Variants in S1PR3 observed in about 807,000 individuals in gnomAD.
The protein encoded by S1PR3 is sphingosine-1-phosphate receptor 3.
In S1PR3, 12 loss-of-function variants were observed where a neutral mutation model predicts 13.3. That is an observed-to-expected ratio of 0.90 (90% confidence interval 0.58 to 1.46). The LOEUF (loss-of-function observed/expected upper bound fraction) is 1.46. Among genes scored for constraint, S1PR3 ranks in the 40% most tolerant of loss-of-function variants. The pLI is 0.00. For synonymous variants in S1PR3, 232 were observed against 214.0 expected (o/e 1.08, Z -0.73); for missense variants, 450 against 501.9 (o/e 0.90, Z 0.99).
Position 89,001,533 on chromosome 9 carries a change from G to T in S1PR3, c.333G>T (p.Trp111Cys), listed in dbSNP as rs966639811. The change falls in exon 2 of 2, where the codon TGG (tryptophan) becomes TGT (cysteine). Residue 111 changes from tryptophan to cysteine, a missense_variant. By Grantham distance (215) the Trp-to-Cys change is radical (BLOSUM62 -2). Transcript: ENST00000358157. ...KKTFSLSPTV[W>C]FLREGSMFVA... ...CGTTCAGCCTGTCTCCCACGGTCTG[G>T]TTCCTCAGGGAGGGCAGTATGTTCG... 1.9e-6 allele frequency: 3 copies of T among 1,614,108 alleles called. No individual in the cohort carries two copies. The highest frequency in any genetic ancestry group is 1.7e-6 in the Non-Finnish European group (2 of 1,180,060).
intron 1 of S1PR3, chr9:88,995,727 A>C (rs1355695584): frequency 6.0e-6 from 1 of 167,106 alleles, no homozygotes; most frequent in African/African-American, 2.4e-5. Flanking sequence ...AAAAGACTGA[A>C]GATGCAGACA....
chr9:88,995,240 T>G (rs1034444419), intron 1 of S1PR3: 5 of 167,088 alleles, frequency 3.0e-5, no homozygotes, highest in Non-Finnish European at 5.9e-5. Context: ...TCTTACTATC[T>G]TATTGTGCCT....
chr9:88,991,364 G>A (rs1396563968), upstream of S1PR3: 3 of 1,205,278 alleles, frequency 2.5e-6, no homozygotes, highest in African/African-American at 1.6e-5. This position sits in a 1 kb window ranked among gnomAD's most constrained non-coding sequence, Gnocchi z 4.0. Context: ...GGGGAGAGGG[G>A]GGCGGGGAGA....
Position 89,001,785 on chromosome 9 carries a change from G to T in S1PR3, c.585G>T (p.Lys195Asn), listed in dbSNP as rs1341504497. ...CSTILPLYSK[K>N]YIAFCISIFT... is the part of the protein sequence containing the mutation. Reference sequence around the variant, plus strand: ...CCATCCTGCCCCTCTACTCCAAGAAGTACATTGCCTTCTGCATCAGCATCT... The same window carrying T: ...CCATCCTGCCCCTCTACTCCAAGAATTACATTGCCTTCTGCATCAGCATCT... Residue 195 changes from lysine to asparagine, a missense_variant, in exon 2 of 2, where the codon AAG becomes AAT. Physicochemically the swap from Lys to Asn is moderately conservative, Grantham distance 94. Transcript: ENST00000358157. 3.1e-6 allele frequency: 5 copies of T among 1,614,120 alleles called. No homozygotes were observed. The African/African-American group carries it at 6.7e-5, about 22-fold the overall frequency.
rs1430515133 is a variant in S1PR3 at position 88,991,558 on chromosome 9, C to G, written c.-285C>G. 1.9e-6 allele frequency: 3 copies of G among 1,545,732 alleles called. No homozygotes were observed. Among genetic ancestry groups the G allele is most frequent in the Non-Finnish European group, 2.6e-6 (3 of 1,145,468 alleles). On this transcript the variant is annotated 5_prime_UTR_variant, in exon 1 of 2. Transcript: ENST00000358157. This position sits in a 1 kb window ranked among gnomAD's most constrained non-coding sequence, Gnocchi z 4.0. ...GACGCGACCGAGCAGGACCCCAGGC[C>G]CGGGAACGACGTCGCGAGCGCTGAG...
At chr9:88,993,842 G>C (rs1394518455) in intron 1 of S1PR3, 1 of 152,332 alleles carries the variant, frequency 6.6e-6, no homozygotes, top group African/African-American at 2.4e-5. Flanking sequence ...TCAGTGACGA[G>C]ATTGTCCAGT....
At chr9:88,991,124 G>A (rs369697077), upstream of S1PR3, 5 of 1,612,502 alleles carry the variant, frequency 3.1e-6, no homozygotes, top group Non-Finnish European at 4.2e-6. This position sits in a 1 kb window ranked among gnomAD's most constrained non-coding sequence, Gnocchi z 4.0. Context: ...TTCCAAGCCT[G>A]TTCCCGCTGG....
Position 89,003,230 on chromosome 9 carries a change from G to T in S1PR3, c.*893G>T, listed in dbSNP as rs1413364862. 1 of 167,154 alleles carries T rather than the reference G, an allele frequency of 6.0e-6. No homozygotes were observed. Among genetic ancestry groups the T allele is most frequent in the Non-Finnish European group, 1.5e-5 (1 of 68,138 alleles). 10.4% of individuals were successfully genotyped at this position (167,154 alleles called of 1,614,324 possible). A position where few individuals can be genotyped will look rare whatever the true frequency, so the allele number is the denominator to read the frequency against. ...ACCTTCCCACGCCAGTGGGGCAGGG[G>T]TCTGCTTCAGGAAATGGAAGCTGTC... On this transcript the variant is annotated 3_prime_UTR_variant, in exon 2 of 2. Coordinates refer to ENST00000358157, the MANE Select transcript of S1PR3 (RefSeq NM_005226.4).
chr9:88,991,451 C>A, upstream of S1PR3: 1 of 1,545,662 alleles, frequency 6.5e-7, no homozygotes, highest in East Asian at 2.5e-5. This position sits in a 1 kb window ranked among gnomAD's most constrained non-coding sequence, Gnocchi z 4.0. Flanking sequence ...AAAGTTTAGT[C>A]TCTGACTCGC....
Position 89,002,313 on chromosome 9 carries a change from T to G in S1PR3, c.1113T>G (p.Leu371=). 1 of 1,613,968 alleles carries G rather than the reference T, an allele frequency of 6.2e-7. No homozygotes were observed. The highest frequency in any genetic ancestry group is 1.1e-5 in the South Asian group (1 of 91,070). The change falls in exon 2 of 2, where the codon CTT becomes CTG. Residue 371 remains leucine (L), a synonymous_variant. Coordinates refer to ENST00000358157, the MANE Select transcript of S1PR3 (RefSeq NM_005226.4). ...SSCIMDKNAA[L]QNGIFCN The stretch of plus-strand genomic sequence containing the variant: ...GCATCATGGACAAGAACGCAGCACT[T>G]CAGAATGGGATCTTCTGCAACTGAT...
At chr9:88,997,475 A>G (rs1298942704) in intron 1 of S1PR3, 1 of 152,272 alleles carries the variant, frequency 6.6e-6, no homozygotes, top group African/African-American at 2.4e-5. Context: ...CATGTATAAA[A>G]TGGTAGGGTC....
At position 89,003,701 on chromosome 9, in the gene S1PR3, AAAC is replaced by A. The variant is rs1469187640; in HGVS notation, c.*1367_*1369del. The A allele has an allele frequency of 1.8e-5, 3 of 166,940 alleles. No individual in the cohort carries two copies. Among genetic ancestry groups the A allele is most frequent in the Admixed American group, 1.3e-4 (2 of 15,288 alleles). 10.3% of individuals were successfully genotyped at this position (166,940 alleles called of 1,614,324 possible). A position where few individuals can be genotyped will look rare whatever the true frequency, so the allele number is the denominator to read the frequency against. On this transcript the variant is annotated 3_prime_UTR_variant, in exon 2 of 2. Coordinates refer to ENST00000358157, the MANE Select transcript of S1PR3 (RefSeq NM_005226.4). ...AGTTGCTGTGTTGAGTTCTCTTTAA[AAAC>A]AAGGACAAAACCAACCAGCGTTCAA...
upstream of S1PR3, chr9:88,991,415 G>A (rs1825698494): frequency 1.3e-6 from 2 of 1,520,730 alleles, no homozygotes; most frequent in Non-Finnish European, 1.8e-6. The surrounding 1 kb of genome is among the most constrained non-coding windows in gnomAD (Gnocchi z 4.0). Context: ...GGCGGAGCGC[G>A]GGTCCCGCCC....
At chr9:88,991,207 A>G (rs753170629), upstream of S1PR3, 3 of 1,580,038 alleles carry the variant, frequency 1.9e-6, no homozygotes, top group Non-Finnish European at 2.6e-6. The surrounding 1 kb of genome is among the most constrained non-coding windows in gnomAD (Gnocchi z 4.0). Flanking sequence ...GCCTGGGAAC[A>G]GGGGCCGAAG....
chr9:89,001,226 T>A lies in S1PR3; in HGVS notation c.26T>A (p.Leu9His). Residue 9 changes from leucine (L) to histidine (H), a missense_variant, in exon 2 of 2, where the codon CTC (leucine) becomes CAC (histidine). Leu to His is a moderately conservative substitution (Grantham distance 99, BLOSUM62 -3). Transcript: ENST00000358157. The part of the protein sequence containing the change: MATALPPR[L>H]QPVRGNETLR... ...ATGGCAACTGCCCTCCCGCCGCGTC[T>A]CCAGCCGGTGCGGGGGAACGAGACC... The A allele has an allele frequency of 6.2e-7, 1 of 1,613,226 alleles. No homozygotes were observed. The highest frequency in any genetic ancestry group is 2.2e-5 in the East Asian group (1 of 44,842).
rs767197283 is a variant in S1PR3 at position 89,003,364 on chromosome 9, A to T, written c.*1027A>T. ...ATCCCCCGTGGCATCACAGCTAAGT[A>T]GCTGTGGCCACCGGCAGTTTCACAG... On this transcript the variant is annotated 3_prime_UTR_variant, in exon 2 of 2. Transcript: ENST00000358157. The T allele has an allele frequency of 5.4e-5, 9 of 167,152 alleles. No individual in the cohort carries two copies. The highest frequency in any genetic ancestry group is 1.2e-4 in the Non-Finnish European group (8 of 68,132). 10.4% of individuals were successfully genotyped at this position (167,152 alleles called of 1,614,324 possible). A position where few individuals can be genotyped will look rare whatever the true frequency, so the allele number is the denominator to read the frequency against.
Position 88,991,647 on chromosome 9 carries a change from G to A in S1PR3, c.-196G>A. 1 of 1,521,400 alleles carries A rather than the reference G, an allele frequency of 6.6e-7. No homozygotes were observed. Among genetic ancestry groups the A allele is most frequent in the Non-Finnish European group, 8.8e-7 (1 of 1,136,278 alleles). The allele number at this position is 1,521,400 out of a possible 1,614,324, so 94.2% of individuals were successfully genotyped here. A position where few individuals can be genotyped will look rare whatever the true frequency, so the allele number is the denominator to read the frequency against. On this transcript the variant is annotated 5_prime_UTR_variant, in exon 1 of 2. Coordinates refer to ENST00000358157, the MANE Select transcript of S1PR3 (RefSeq NM_005226.4). The surrounding 1 kb of genome is among the most constrained non-coding windows in gnomAD (Gnocchi z 4.0). ...GGACCGGGCGCCCCGGCACCGCCGC[G>A]CGCCACCCGCTAGGATGCCGGTGGC... is the stretch of plus-strand genomic sequence containing the variant.
chr9:88,992,188 C>A, intron 1 of S1PR3: 1 of 684,054 alleles, frequency 1.5e-6, no homozygotes, highest in Non-Finnish European at 2.4e-6. Context: ...AATGAGGTTC[C>A]CACGGAAAAT....
upstream of S1PR3, chr9:88,990,935 C>T: frequency 2.5e-6 from 4 of 1,599,104 alleles, no homozygotes; most frequent in Non-Finnish European, 3.4e-6. Flanking sequence ...AACAAAAACG[C>T]TGTCCGGCGC....
Sources: gnomAD v4.1 joint callset for allele counts on GRCh38, gnomAD v4.1.1 for gene constraint, Gnocchi (gnomAD v3.1) non-coding constraint, MANE v1.5 for transcripts, NCBI Gene and HGNC (gene_info 2026-07-23, HGNC 2026-07-21) for gene names.